The following NPFFR2 variants were observed in gnomAD, a reference collection of about 807,000 sequenced individuals.
NPFFR2 encodes G-protein coupled receptor 74.
A neutral mutation model predicts 13.1 loss-of-function variants in NPFFR2; 15 were observed. The ratio of observed to expected loss-of-function variants is 1.15; its 90% CI spans 0.77 to 1.76. The LOEUF is 1.76. NPFFR2 is among the 40% of genes most tolerant of loss of function. The pLI is 0.00. For synonymous variants in NPFFR2, 190 were observed against 175.7 expected, an observed-to-expected ratio of 1.08 and a Z score of -0.65; for missense variants, 572 against 503.5, an observed-to-expected ratio of 1.14 and a Z score of -1.30.
At position 72,128,568 on chromosome 4, in the gene NPFFR2, GT is replaced by G. The variant is rs770931726; in HGVS notation, c.-7-16del. On this transcript the variant is annotated splice_polypyrimidine_tract_variant and intron_variant, in intron 1 of 3. Coordinates refer to ENST00000308744, the MANE Select transcript of NPFFR2 (RefSeq NM_004885.3). ...GTTCCTAATTATGTTTTTCTTTTCT[GT>G]CTCTTCTTTATTAAGGTTCATCATG... 1 of 1,504,440 alleles carries G rather than the reference GT, an allele frequency of 6.6e-7. No homozygotes were observed. The highest frequency in any genetic ancestry group is 1.2e-5 in the South Asian group (1 of 80,094). The allele number at this position is 1,504,440 out of a possible 1,614,324, so 93.2% of individuals were successfully genotyped here.
intron 1 of NPFFR2, among the ~76,000 whole-genome samples, chr4:72,049,798 G>T (rs1367780327): frequency 6.6e-6 from 1 of 151,372 alleles, no homozygotes; most frequent in Non-Finnish European, 1.5e-5. Context: ...AAGTGCTAGT[G>T]ATAAGAGCTA....
At chr4:72,085,996 A>C (rs1468825741) in intron 1 of NPFFR2, among the ~76,000 whole-genome samples, 1 of 152,070 alleles carries the variant, frequency 6.6e-6, no homozygotes, top group African/African-American at 2.4e-5. Flanking sequence ...GATACATACC[A>C]AGAAGATGCT....
At chr4:72,091,942 G>T (rs1352879038) in intron 1 of NPFFR2, among the ~76,000 whole-genome samples, 1 of 151,800 alleles carries the variant, frequency 6.6e-6, no homozygotes, top group African/African-American at 2.4e-5. Context: ...GTCTATTTGT[G>T]CTCTTTCTGA....
chr4:72,062,649 T>C (rs748798956), intron 1 of NPFFR2, among the ~76,000 whole-genome samples: 1 of 152,152 alleles, frequency 6.6e-6, no homozygotes. Flanking sequence ...GGGCTGCACA[T>C]GTGACTTTTT....
intron 1 of NPFFR2, among the ~76,000 whole-genome samples, chr4:72,078,190 G>A (rs1230594888): frequency 6.6e-6 from 1 of 152,210 alleles, no homozygotes; most frequent in Non-Finnish European, 1.5e-5. Context: ...TGTTCCAGCA[G>A]TATTTGTTGA....
At chr4:72,113,192 G>A (rs556152885) in intron 1 of NPFFR2, among the ~76,000 whole-genome samples, 1 of 152,160 alleles carries the variant, frequency 6.6e-6, no homozygotes, top group South Asian at 2.1e-4. Context: ...AGTCATATAA[G>A]TACAAGTATG....
At position 72,147,391 on chromosome 4, in the gene NPFFR2, T is replaced by G; in HGVS notation, c.842T>G (p.Leu281Arg). Residue 281 changes from leucine to arginine, a missense_variant, in exon 4 of 4, where the codon CTG (leucine) becomes CGG (arginine). Coordinates refer to ENST00000308744, the MANE Select transcript of NPFFR2 (RefSeq NM_004885.3). ...KIIKMLLIVA[L>R]LFILSWLPLW... ...ATTAAGATGCTCCTGATTGTGGCCC[T>G]GCTTTTTATTCTCTCATGGCTGCCC... The G allele has an allele frequency of 6.2e-7, 1 of 1,614,168 alleles. No individual in the cohort carries two copies. Among genetic ancestry groups the G allele is most frequent in the Non-Finnish European group, 8.5e-7 (1 of 1,180,032 alleles).
At chr4:72,144,323 G>T (rs1464205219) in intron 3 of NPFFR2, among the ~76,000 whole-genome samples, 1 of 152,126 alleles carries the variant, frequency 6.6e-6, no homozygotes, top group Non-Finnish European at 1.5e-5. Context: ...CCAGAAGAGA[G>T]TACCAGCAAA....
intron 2 of NPFFR2, among the ~76,000 whole-genome samples, chr4:72,132,130 G>GTT (rs796254519): frequency 5.9e-5 from 8 of 134,774 alleles, no homozygotes; most frequent in African/African-American, 2.6e-4. Context: ...GTACCCATTG[G>GTT]TTTTTTTTTT....
At chr4:72,122,445 A>G (rs1034622573) in intron 1 of NPFFR2, among the ~76,000 whole-genome samples, 4 of 152,200 alleles carry the variant, frequency 2.6e-5, no homozygotes, top group Non-Finnish European at 5.9e-5. Context: ...TAAAGAGACT[A>G]TACGTTCTTC....
Position 72,147,079 on chromosome 4 carries a change from C to T in NPFFR2, c.530C>T (p.Pro177Leu), listed in dbSNP as rs747315677. 6.2e-7 allele frequency: 1 copy of T among 1,613,950 alleles called. No individual in the cohort carries two copies. The highest frequency in any genetic ancestry group is 1.1e-5 in the South Asian group (1 of 91,076). Residue 177 changes from proline (P) to leucine (L), a missense_variant, in exon 4 of 4, where the codon CCA becomes CTA. Pro to Leu is a moderately conservative substitution (Grantham distance 98). Transcript: ENST00000308744. ...IWVLAITIMS[P>L]SAVMLHVQEE... ...GTCCTAGCCATCACCATTATGTCTC[C>T]ATCTGCAGTAATGTTACATGTGCAA...
intron 1 of NPFFR2, among the ~76,000 whole-genome samples, chr4:72,080,517 A>G (rs556448205): frequency 6.6e-6 from 1 of 152,132 alleles, no homozygotes. Context: ...TATACTATAC[A>G]TATTTCCATG....
intron 1 of NPFFR2, among the ~76,000 whole-genome samples, chr4:72,075,395 T>G (rs1278049126): frequency 6.6e-6 from 1 of 152,070 alleles, no homozygotes; most frequent in Non-Finnish European, 1.5e-5. Flanking sequence ...GAAACTTGAC[T>G]AATACATTTA....
chr4:72,039,315 C>A (rs1029714512), intron 1 of NPFFR2: 2 of 602,330 alleles, frequency 3.3e-6, no homozygotes, highest in African/African-American at 4.0e-5. Context: ...ACCTCGGCCT[C>A]CCAAAGTGCT....
intron 1 of NPFFR2, among the ~76,000 whole-genome samples, chr4:72,074,533 A>C (rs138541148): frequency 1.6e-3 from 250 of 152,200 alleles, no homozygotes; most frequent in African/African-American, 5.6e-3. Context: ...TATGTGTAGG[A>C]AAAACCATAA....
At chr4:72,065,851 T>C (rs903657344) in intron 1 of NPFFR2, among the ~76,000 whole-genome samples, 4 of 152,166 alleles carry the variant, frequency 2.6e-5, no homozygotes, top group African/African-American at 9.7e-5. Flanking sequence ...ATCCTTGCGA[T>C]GCCCTTAGGA....
intron 1 of NPFFR2, among the ~76,000 whole-genome samples, chr4:72,072,739 T>G (rs575305029): frequency 6.6e-6 from 1 of 152,202 alleles, no homozygotes; most frequent in African/African-American, 2.4e-5. Flanking sequence ...CTGAGTAGAA[T>G]AAACTCAAAG....
At chr4:72,066,372 G>T (rs1276047049) in intron 1 of NPFFR2, among the ~76,000 whole-genome samples, 1 of 152,052 alleles carries the variant, frequency 6.6e-6, no homozygotes, top group South Asian at 2.1e-4. Context: ...AATTTTTGAA[G>T]CAATACATCC....
intron 1 of NPFFR2, among the ~76,000 whole-genome samples, chr4:72,043,889 T>G (rs570955846): frequency 1.3e-5 from 2 of 151,900 alleles, no homozygotes; most frequent in Non-Finnish European, 2.9e-5. Context: ...TTTGGGAGGG[T>G]CCAGGACCAG....
Sources: gnomAD v4.1 joint callset for allele counts (sites outside exome capture counted in the v4.1 genomes callset) on GRCh38, gnomAD v4.1.1 for gene constraint, MANE v1.5 for transcripts, NCBI Gene and HGNC (gene_info 2026-07-23, HGNC 2026-07-21) for gene names.